Variants in KIAA0232 observed in about 807,000 individuals in gnomAD.
KIAA0232 encodes uncharacterized protein KIAA0232.
Under a neutral mutation model 122.0 loss-of-function variants are expected in KIAA0232, and 27 were observed. The observed-to-expected ratio is 0.22, with a 90% confidence interval of 0.16 to 0.31. The LOEUF (loss-of-function observed/expected upper bound fraction) is 0.31. Among genes scored for constraint, KIAA0232 ranks in the 10% least tolerant of loss-of-function variants. The pLI, the probability that KIAA0232 is intolerant of heterozygous loss-of-function variation, is 1.00. For missense variants in KIAA0232, 1,551 were observed against 1,634.2 expected (o/e 0.95, Z 0.88); for synonymous variants, 613 against 587.6 (o/e 1.04, Z -0.63).
chr4:6,809,354 T>G (rs997080213), intron 2 of KIAA0232, among the ~76,000 whole-genome samples: 3 of 152,228 alleles, frequency 2.0e-5, no homozygotes, highest in Non-Finnish European at 2.9e-5. Context: ...TCATAAAATG[T>G]GAGTAGCTCA....
At chr4:6,796,420 T>C (rs571424902) in intron 1 of KIAA0232, among the ~76,000 whole-genome samples, 1 of 152,276 alleles carries the variant, frequency 6.6e-6, no homozygotes, top group East Asian at 1.9e-4. Flanking sequence ...TTTTGTATTT[T>C]TAATAGAGAC....
At chr4:6,874,956 G>A (rs1721673480) in intron 8 of KIAA0232, among the ~76,000 whole-genome samples, 1 of 152,222 alleles carries the variant, frequency 6.6e-6, no homozygotes, top group Admixed American at 6.5e-5. Flanking sequence ...GTGGGGTGTG[G>A]AGATGGGCCT....
intron 3 of KIAA0232, among the ~76,000 whole-genome samples, chr4:6,840,291 A>G (rs776129271): frequency 4.6e-5 from 7 of 152,168 alleles, no homozygotes; most frequent in Non-Finnish European, 1.0e-4. Flanking sequence ...AAGGACCATG[A>G]AATGTGCATT....
At chr4:6,833,574 T>G (rs1013782411) in intron 3 of KIAA0232, among the ~76,000 whole-genome samples, 2 of 151,604 alleles carry the variant, frequency 1.3e-5, no homozygotes, top group Non-Finnish European at 2.9e-5. Flanking sequence ...GAGGCTGCAG[T>G]GAGCCATGAT....
intron 2 of KIAA0232, among the ~76,000 whole-genome samples, chr4:6,814,882 G>A (rs1359830884): frequency 2.0e-5 from 3 of 151,914 alleles, no homozygotes; most frequent in Non-Finnish European, 2.9e-5. Context: ...TAATAGAAAC[G>A]ATTTAAACTT....
At chr4:6,797,614 A>C (rs1279289883) in intron 1 of KIAA0232, among the ~76,000 whole-genome samples, 2 of 151,396 alleles carry the variant, frequency 1.3e-5, no homozygotes, top group African/African-American at 4.9e-5. Flanking sequence ...TTAAAAAAAA[A>C]ACCTAGCTGG....
chr4:6,809,478 C>T (rs1006243915), intron 2 of KIAA0232, among the ~76,000 whole-genome samples: 36 of 152,066 alleles, frequency 2.4e-4, no homozygotes, highest in African/African-American at 8.0e-4. Flanking sequence ...ACCCTGTGTC[C>T]CAGAATGATT....
At chr4:6,875,122 C>T (rs1721683041) in intron 8 of KIAA0232, among the ~76,000 whole-genome samples, 1 of 152,180 alleles carries the variant, frequency 6.6e-6, no homozygotes, top group South Asian at 2.1e-4. Flanking sequence ...AGGGTTCCTC[C>T]CAGCCTCAGC....
intron 1 of KIAA0232, among the ~76,000 whole-genome samples, chr4:6,787,303 G>A (rs949294268): frequency 4.0e-5 from 6 of 151,602 alleles, no homozygotes; most frequent in Admixed American, 1.3e-4. Context: ...AAGCAATTGC[G>A]TTTGAGGGGG....
intron 3 of KIAA0232, among the ~76,000 whole-genome samples, chr4:6,837,538 G>A (rs987773116): frequency 9.2e-5 from 14 of 152,304 alleles, no homozygotes; most frequent in East Asian, 5.8e-4. Context: ...CTGCAGTCTC[G>A]GCACTTTGGG....
chr4:6,831,305 C>T (rs1035481279), intron 3 of KIAA0232, among the ~76,000 whole-genome samples: 5 of 152,146 alleles, frequency 3.3e-5, no homozygotes, highest in African/African-American at 9.7e-5. Context: ...CCGCCCGCCT[C>T]GGCCTCCCAA....
intron 1 of KIAA0232, among the ~76,000 whole-genome samples, chr4:6,796,083 A>G (rs1205977576): frequency 6.6e-6 from 1 of 152,184 alleles, no homozygotes; most frequent in East Asian, 1.9e-4. Flanking sequence ...TTTGTGCGTA[A>G]GTGAGCTGCA....
intron 3 of KIAA0232, among the ~76,000 whole-genome samples, chr4:6,826,848 G>GTTA (rs1718710893): frequency 2.0e-5 from 3 of 152,094 alleles, no homozygotes; most frequent in Non-Finnish European, 4.4e-5. Flanking sequence ...AGGACATATA[G>GTTA]GATAAAACAG....
intron 3 of KIAA0232, among the ~76,000 whole-genome samples, chr4:6,829,603 C>G (rs965986180): frequency 1.3e-5 from 2 of 152,180 alleles, no homozygotes; most frequent in East Asian, 1.9e-4. Context: ...AGCCAAACCT[C>G]GAAAGTAAGT....
At chr4:6,787,869 T>C (rs1025186792) in intron 1 of KIAA0232, among the ~76,000 whole-genome samples, 7 of 152,170 alleles carry the variant, frequency 4.6e-5, no homozygotes, top group Admixed American at 4.6e-4. Context: ...TACGACAGTT[T>C]TGTTGGTAAG....
intron 9 of KIAA0232, among the ~76,000 whole-genome samples, chr4:6,879,883 C>T (rs10937755): frequency 8.0e-4 from 105 of 131,390 alleles, no homozygotes; most frequent in Non-Finnish European, 8.6e-4. Flanking sequence ...CACAGGTCTG[C>T]AGTGTCCCCT....
chr4:6,817,417 G>T (rs1269300470), intron 2 of KIAA0232, among the ~76,000 whole-genome samples: 3 of 152,022 alleles, frequency 2.0e-5, no homozygotes, highest in Non-Finnish European at 4.4e-5. Flanking sequence ...GGGTTTCACC[G>T]TGTTAGCCAG....
intron 2 of KIAA0232, among the ~76,000 whole-genome samples, chr4:6,817,638 A>G (rs1403903852): frequency 1.3e-5 from 2 of 152,168 alleles, no homozygotes; most frequent in Non-Finnish European, 2.9e-5. Flanking sequence ...GAATTCTTTT[A>G]AGCTTATTGC....
At chr4:6,801,615 T>G (rs1199718679) in intron 1 of KIAA0232, among the ~76,000 whole-genome samples, 1 of 151,666 alleles carries the variant, frequency 6.6e-6, no homozygotes, top group South Asian at 2.1e-4. Flanking sequence ...GCCCAGGAAT[T>G]CCAAGCTGCA....
Sources: gnomAD v4.1 joint callset for allele counts (sites outside exome capture counted in the v4.1 genomes callset) on GRCh38, gnomAD v4.1.1 for gene constraint, MANE v1.5 for transcripts, NCBI Gene and HGNC (gene_info 2026-07-23, HGNC 2026-07-21) for gene names.